The following ARHGAP10 variants were observed in gnomAD, a reference collection of about 807,000 sequenced individuals.
ARHGAP10 encodes rho GTPase-activating protein 10.
Under a neutral mutation model 108.6 loss-of-function variants are expected in ARHGAP10, and 87 were observed. The ratio of observed to expected loss-of-function variants is 0.80; its 90% confidence interval spans 0.67 to 0.96. The LOEUF (loss-of-function observed/expected upper bound fraction) is 0.96, where lower values mean the gene tolerates loss of function less well. Among genes scored for constraint, ARHGAP10 ranks in the 40% least tolerant of loss-of-function variants. ARHGAP10 has a pLI of 0.00. For missense variants in ARHGAP10, 939 were observed against 954.5 expected (o/e 0.98, Z 0.21); for synonymous variants, 347 against 341.1 (o/e 1.02, Z -0.19).
intron 13 of ARHGAP10, among the ~76,000 whole-genome samples, chr4:147,928,576 A>C (rs536735256): frequency 6.6e-6 from 1 of 152,364 alleles, no homozygotes; most frequent in South Asian, 2.1e-4. Context: ...GTTGGTGGCA[A>C]ATAATAGCTG....
intron 19 of ARHGAP10, among the ~76,000 whole-genome samples, chr4:148,026,722 T>A (rs796967894): frequency 8.2e-4 from 125 of 152,344 alleles, no homozygotes; most frequent in African/African-American, 2.9e-3. Context: ...GAAGCCATAT[T>A]GCTCATTTTT....
intron 10 of ARHGAP10, among the ~76,000 whole-genome samples, chr4:147,894,147 G>T (rs1735899600): frequency 1.3e-5 from 2 of 152,134 alleles, no homozygotes; most frequent in African/African-American, 2.4e-5. Context: ...CTTTGGGTGT[G>T]GGAATTGCTG....
chr4:147,798,459 C>T (rs1731406126), intron 1 of ARHGAP10, among the ~76,000 whole-genome samples: 1 of 151,860 alleles, frequency 6.6e-6, no homozygotes, highest in Non-Finnish European at 1.5e-5. Flanking sequence ...GCCTATAATC[C>T]CTGCACTTTG....
intron 22 of ARHGAP10, among the ~76,000 whole-genome samples, chr4:148,068,106 T>C (rs1729979709): frequency 6.6e-6 from 1 of 152,114 alleles, no homozygotes; most frequent in Non-Finnish European, 1.5e-5. Context: ...TAGGTTTTGC[T>C]GGTGACCACC....
chr4:147,838,809 T>C (rs559428475), intron 3 of ARHGAP10, among the ~76,000 whole-genome samples: 14 of 152,358 alleles, frequency 9.2e-5, no homozygotes, highest in African/African-American at 3.4e-4. Context: ...ATAAAATTAC[T>C]GAATACAAAA....
At chr4:147,747,196 T>C (rs986042471) in intron 1 of ARHGAP10, among the ~76,000 whole-genome samples, 1 of 152,092 alleles carries the variant, frequency 6.6e-6, no homozygotes, top group Non-Finnish European at 1.5e-5. Flanking sequence ...GATTTTCTCT[T>C]TTATCTCACC....
chr4:147,964,334 C>A (rs914355342), intron 16 of ARHGAP10, among the ~76,000 whole-genome samples: 2 of 152,214 alleles, frequency 1.3e-5, no homozygotes, highest in African/African-American at 4.8e-5. Flanking sequence ...CTTGCCCATT[C>A]CTTCCTGCAG....
chr4:147,771,743 C>T (rs939275113), intron 1 of ARHGAP10, among the ~76,000 whole-genome samples: 1 of 152,016 alleles, frequency 6.6e-6, no homozygotes, highest in East Asian at 1.9e-4. Flanking sequence ...ATGTAGGTGC[C>T]CCTTTTCATA....
At chr4:147,760,424 A>G (rs1196977754) in intron 1 of ARHGAP10, among the ~76,000 whole-genome samples, 4 of 152,162 alleles carry the variant, frequency 2.6e-5, no homozygotes, top group Non-Finnish European at 4.4e-5. Context: ...TGAATCCAGC[A>G]GCTCCCGTGA....
intron 16 of ARHGAP10, among the ~76,000 whole-genome samples, chr4:147,958,964 C>T (rs962228966): frequency 1.3e-4 from 19 of 151,786 alleles, no homozygotes; most frequent in Admixed American, 1.2e-3. Flanking sequence ...AATTCCCTGG[C>T]ATATTTCAAG....
chr4:147,791,303 G>C (rs1054458679), intron 1 of ARHGAP10, among the ~76,000 whole-genome samples: 5 of 151,714 alleles, frequency 3.3e-5, no homozygotes, highest in African/African-American at 7.3e-5. Context: ...GCAGAGACAG[G>C]GTTTTGCTAT....
intron 10 of ARHGAP10, among the ~76,000 whole-genome samples, chr4:147,895,512 CAAAAAAAAAA>C (rs70958593): frequency 5.9e-5 from 5 of 85,314 alleles, no homozygotes; most frequent in African/African-American, 9.9e-5. Flanking sequence ...GACCCTGTCT[CAAAAAAAAAA>C]AAAAAAAAAA....
intron 1 of ARHGAP10, among the ~76,000 whole-genome samples, chr4:147,753,309 C>T (rs1174950381): frequency 6.6e-6 from 1 of 151,814 alleles, no homozygotes; most frequent in Non-Finnish European, 1.5e-5. Context: ...TCAGGAAGCT[C>T]ATTTCTAGTG....
intron 9 of ARHGAP10, among the ~76,000 whole-genome samples, chr4:147,881,468 T>C (rs1391539422): frequency 6.6e-6 from 1 of 152,096 alleles, no homozygotes; most frequent in African/African-American, 2.4e-5. Context: ...TGAAACCCTG[T>C]TTCTACTGAA....
chr4:147,784,830 A>AAATAT (rs1358773081), intron 1 of ARHGAP10, among the ~76,000 whole-genome samples: 4 of 28,234 alleles, frequency 1.4e-4, no homozygotes, highest in African/African-American at 2.5e-4. Context: ...TATATATTAT[A>AAATAT]AATATATTAT....
chr4:147,976,706 G>T (rs1479241082), intron 18 of ARHGAP10, among the ~76,000 whole-genome samples: 1 of 152,092 alleles, frequency 6.6e-6, no homozygotes, highest in African/African-American at 2.4e-5. Context: ...TTCTTTAGCT[G>T]TGGCATTGGA....
chr4:147,928,380 T>A (rs1737544106), intron 13 of ARHGAP10, among the ~76,000 whole-genome samples: 1 of 152,168 alleles, frequency 6.6e-6, no homozygotes, highest in African/African-American at 2.4e-5. Flanking sequence ...CTGGTTTCTG[T>A]GTTGAGTCTC....
At chr4:147,761,295 G>A (rs771885691) in intron 1 of ARHGAP10, among the ~76,000 whole-genome samples, 1 of 152,132 alleles carries the variant, frequency 6.6e-6, no homozygotes, top group Non-Finnish European at 1.5e-5. Context: ...AGGATTACAG[G>A]TGTGAGCCAC....
chr4:147,808,296 A>G (rs1731867611), intron 1 of ARHGAP10, among the ~76,000 whole-genome samples: 1 of 151,972 alleles, frequency 6.6e-6, no homozygotes, highest in African/African-American at 2.4e-5. Context: ...AGCATGTACA[A>G]AGACTGCAAG....
Sources: gnomAD v4.1 joint callset for allele counts (sites outside exome capture counted in the v4.1 genomes callset) on GRCh38, gnomAD v4.1.1 for gene constraint, MANE v1.5 for transcripts, NCBI Gene and HGNC (gene_info 2026-07-23, HGNC 2026-07-21) for gene names.